The following TMCO4 variants were observed in gnomAD, a reference collection of about 807,000 sequenced individuals.
TMCO4 encodes the protein transmembrane and coiled-coil domain-containing protein 4.
TMCO4 carries 58 observed loss-of-function variants against 64.7 expected under a neutral mutation model. That is an observed-to-expected ratio of 0.90 (90% CI 0.73 to 1.12). TMCO4 has a LOEUF of 1.12. Among genes scored for constraint, TMCO4 ranks in the 50% most tolerant of loss-of-function variants. The probability of loss-of-function intolerance (pLI) is 0.00; values close to 1 mark genes in which losing one functional copy is unlikely to be tolerated. For missense variants in TMCO4, 780 were observed against 825.9 expected (o/e 0.94, Z 0.68); for synonymous variants, 325 against 346.1 (o/e 0.94, Z 0.68).
chr1:19,752,858 G>C lies in TMCO4; in HGVS notation c.515+2776C>G, dbSNP rs1225793090. On this transcript the variant is annotated intron_variant, in intron 7 of 15. Coordinates refer to ENST00000294543, the MANE Select transcript of TMCO4 (RefSeq NM_181719.7). ...TAGGGGGCTGTTATGAGGATCGAGTGAGATGGCATCTTGTGCCTGCATCTA... is the reference window on the plus strand; with the variant it reads ...TAGGGGGCTGTTATGAGGATCGAGTCAGATGGCATCTTGTGCCTGCATCTA... 2.0e-5 allele frequency among the ~76,000 whole-genome samples: 3 copies of C among 151,138 alleles called. No individual in the cohort carries two copies. In the East Asian group the frequency reaches 5.8e-4, roughly 29 times the overall value.
At chr1:19,737,276 C>G in intron 13 of TMCO4, 96 bp downstream of exon 13, 1 of 1,205,454 alleles carries the variant, frequency 8.3e-7, no homozygotes, top group Non-Finnish European at 1.2e-6. Flanking sequence ...GAACTGGGAA[C>G]ACATTTTGCA....
In TMCO4 at chr1:19,737,466, A is replaced by G; in HGVS notation, c.1180-10T>C. The G allele has an allele frequency of 6.2e-7, 1 of 1,613,698 alleles. No homozygotes were observed. ...TGACAGGTCGTCGCCCCTGAAGGGA[A>G]AAAGGACACAGGTGTCTGGAAGGAA... On this transcript the variant is annotated splice_polypyrimidine_tract_variant and intron_variant, in intron 12 of 15. Transcript: ENST00000294543.
At chr1:19,723,121 G>C (rs555620881) in intron 13 of TMCO4, among the ~76,000 whole-genome samples, 3 of 152,212 alleles carry the variant, frequency 2.0e-5, no homozygotes, top group African/African-American at 7.2e-5. Context: ...TCTGAAATGC[G>C]TGGGACCAGA....
rs756840464 is a variant in TMCO4, at chr1:19,740,816, T to C, written c.1003A>G (p.Met335Val). ...LETILSGLAN[M>V]VAQEALKYTV... ...TACTTTAGGGCCTCCTGGGCCACCA[T>C]GTTGGCGAGACCACTGAGGATGGTC... Residue 335 changes from methionine (M) to valine (V), a missense_variant, in exon 11 of 16, where the codon ATG (methionine) becomes GTG (valine). Physicochemically the swap from Met to Val is conservative, Grantham distance 21 (BLOSUM62 1). Coordinates refer to ENST00000294543, the MANE Select transcript of TMCO4 (RefSeq NM_181719.7). The C allele has an allele frequency of 4.3e-6, 7 of 1,613,796 alleles. No individual in the cohort carries two copies. The African/African-American group carries it at 8.0e-5, about 18-fold the overall frequency.
intron 4 of TMCO4, among the ~76,000 whole-genome samples, chr1:19,775,636 A>G (rs940915216): frequency 6.6e-6 from 1 of 152,244 alleles, no homozygotes; most frequent in Non-Finnish European, 1.5e-5. Flanking sequence ...AGTAACTGTG[A>G]CAGAGACTGC....
chr1:19,703,862 G>A (rs1016997426), intron 13 of TMCO4, among the ~76,000 whole-genome samples: 3 of 152,036 alleles, frequency 2.0e-5, no homozygotes, highest in Non-Finnish European at 1.5e-5. Flanking sequence ...CTTTCTTATG[G>A]TCTGAGTTCC....
chr1:19,774,747 C>T (rs1369527058), intron 4 of TMCO4, among the ~76,000 whole-genome samples: 1 of 152,158 alleles, frequency 6.6e-6, no homozygotes, highest in African/African-American at 2.4e-5. Flanking sequence ...CTGAGAGCTT[C>T]GTACACCTTG....
intron 15 of TMCO4, among the ~76,000 whole-genome samples, chr1:19,685,542 G>C (rs2095140137): frequency 6.6e-6 from 1 of 152,072 alleles, no homozygotes; most frequent in African/African-American, 2.4e-5. Flanking sequence ...TGCCTGACAC[G>C]TAGTAGGTCC....
intron 13 of TMCO4, among the ~76,000 whole-genome samples, chr1:19,718,791 C>G (rs1488940978): frequency 6.6e-6 from 1 of 151,926 alleles, no homozygotes; most frequent in African/African-American, 2.4e-5. Flanking sequence ...CAATACACAC[C>G]AGCTCCCTGG....
chr1:19,709,612 C>T (rs1237115625), intron 13 of TMCO4, among the ~76,000 whole-genome samples: 4 of 152,092 alleles, frequency 2.6e-5, no homozygotes, highest in African/African-American at 9.7e-5. Context: ...CATTGACAAA[C>T]TCTTTGGCTT....
intron 3 of TMCO4, among the ~76,000 whole-genome samples, chr1:19,783,916 G>A (rs1224541434): frequency 1.3e-5 from 2 of 152,200 alleles, no homozygotes; most frequent in South Asian, 2.1e-4. Context: ...AAATTTCCCT[G>A]GCTCAGAGGG....
chr1:19,753,577 C>A (rs189472291), intron 7 of TMCO4, among the ~76,000 whole-genome samples: 5 of 152,232 alleles, frequency 3.3e-5, no homozygotes, highest in African/African-American at 1.2e-4. Context: ...GAACTCACCT[C>A]CCAGAAACAC....
At chr1:19,709,740 T>C (rs1281782479) in intron 13 of TMCO4, among the ~76,000 whole-genome samples, 2 of 151,726 alleles carry the variant, frequency 1.3e-5, no homozygotes, top group Non-Finnish European at 2.9e-5. Context: ...TTTTTTTGTA[T>C]AAAAACAAAC....
intron 6 of TMCO4, among the ~76,000 whole-genome samples, chr1:19,768,922 T>A (rs2042863192): frequency 6.6e-6 from 1 of 152,082 alleles, no homozygotes. Flanking sequence ...AGGCCTTTTT[T>A]AAAAAACAGT....
chr1:19,768,872 G>C (rs910164647), intron 6 of TMCO4, among the ~76,000 whole-genome samples: 3 of 152,144 alleles, frequency 2.0e-5, no homozygotes, highest in South Asian at 2.1e-4. Context: ...TGCCGATGCT[G>C]CTGGGTCCAC....
At chr1:19,778,663 C>G (rs1300037209) in intron 4 of TMCO4, among the ~76,000 whole-genome samples, 15 of 152,204 alleles carry the variant, frequency 9.9e-5, no homozygotes, top group Non-Finnish European at 1.5e-5. Flanking sequence ...GTTAAATAAA[C>G]TGCTCGAGGT....
intron 6 of TMCO4, among the ~76,000 whole-genome samples, chr1:19,765,472 G>A (rs1465823497): frequency 7.0e-6 from 1 of 142,282 alleles, no homozygotes; most frequent in Non-Finnish European, 1.5e-5. Context: ...GCCATTTCTG[G>A]TTATCGCAGC....
Position 19,746,508 on chromosome 1 carries a change from G to C in TMCO4, c.705C>G (p.Ala235=). 3 of 1,612,482 alleles carry C rather than the reference G, an allele frequency of 1.9e-6. No individual in the cohort carries two copies. Among genetic ancestry groups the C allele is most frequent in the Non-Finnish European group, 2.5e-6 (3 of 1,179,380 alleles). ...ACAGCGAGGTCATGATGGCTATGCCGGCTGCTGAGCCCAGAGCCGCTGCCC... is the reference window on the plus strand; with the variant it reads ...ACAGCGAGGTCATGATGGCTATGCCCGCTGCTGAGCCCAGAGCCGCTGCCC... ...SAGAAALGSA[A]GIAIMTSLFG... The change falls in exon 9 of 16, where the codon GCC becomes GCG. Residue 235 remains alanine (A), a synonymous_variant. Coordinates refer to ENST00000294543, the MANE Select transcript of TMCO4 (RefSeq NM_181719.7).
At chr1:19,724,614 C>T (rs1484628351) in intron 13 of TMCO4, among the ~76,000 whole-genome samples, 1 of 152,106 alleles carries the variant, frequency 6.6e-6, no homozygotes, top group Non-Finnish European at 1.5e-5. Context: ...TAGAATAACC[C>T]CCAGAGGGAT....
Sources: gnomAD v4.1 joint callset for allele counts (sites outside exome capture counted in the v4.1 genomes callset) on GRCh38, gnomAD v4.1.1 for gene constraint, MANE v1.5 for transcripts, NCBI Gene and HGNC (gene_info 2026-07-23, HGNC 2026-07-21) for gene names.